Variants in NUDT9 observed in about 807,000 individuals in gnomAD.
The protein encoded by NUDT9 is nudix hydrolase 9, also known as ADP-ribose pyrophosphatase.
NUDT9 carries 31 observed loss-of-function variants against 41.0 expected under a neutral mutation model. The observed-to-expected ratio is 0.76, with a 90% CI of 0.57 to 1.02. NUDT9 has a LOEUF of 1.02. Among genes scored for constraint, NUDT9 ranks in the 50% least tolerant of loss-of-function variants. The pLI, the probability that NUDT9 is intolerant of heterozygous loss-of-function variation, is 0.00. For missense variants in NUDT9, 380 were observed against 431.4 expected (o/e 0.88, Z 1.06); for synonymous variants, 146 against 147.6 (o/e 0.99, Z 0.08).
chr4:87,454,019 A>G (rs1722877395), intron 6 of NUDT9, among the ~76,000 whole-genome samples: 1 of 151,460 alleles, frequency 6.6e-6, no homozygotes, highest in South Asian at 2.1e-4. Flanking sequence ...ACCACCATGC[A>G]TGGCTAATTT....
rs1722901391 is a variant in NUDT9 at position 87,454,460 on chromosome 4, CTTTATA to C, written c.874+11_874+16del. 6 of 1,573,720 alleles carry C rather than the reference CTTTATA, an allele frequency of 3.8e-6. No homozygotes were observed. The highest frequency in any genetic ancestry group is 1.1e-5 in the South Asian group (1 of 90,248). On this transcript the variant is annotated splice_donor_region_variant and intron_variant, in intron 7 of 7. Coordinates refer to ENST00000302174, the MANE Select transcript of NUDT9 (RefSeq NM_024047.5). ...TGAACTACCATGACGAAACAGGTAACTTTATATTTATTAAACTGGCTGGGATTAAAG... is the reference window on the plus strand; with the variant it reads ...TGAACTACCATGACGAAACAGGTAACTTTATTAAACTGGCTGGGATTAAAG...
chr4:87,426,510 A>G (rs1462364846), intron 1 of NUDT9, among the ~76,000 whole-genome samples: 2 of 151,856 alleles, frequency 1.3e-5, no homozygotes, highest in East Asian at 2.0e-4. Context: ...CCAGGGTTCA[A>G]GCGATTCTCC....
At chr4:87,428,247 C>T (rs1184137337) in intron 1 of NUDT9, among the ~76,000 whole-genome samples, 1 of 152,074 alleles carries the variant, frequency 6.6e-6, no homozygotes, top group African/African-American at 2.4e-5. Flanking sequence ...TGAAAGAGAA[C>T]AGCTTGAACA....
chr4:87,432,445 A>G (rs891332201), intron 1 of NUDT9, among the ~76,000 whole-genome samples: 4 of 152,016 alleles, frequency 2.6e-5, no homozygotes, highest in African/African-American at 9.7e-5. Context: ...AACCAGTTTT[A>G]CTTCTTCCTT....
intron 6 of NUDT9, among the ~76,000 whole-genome samples, chr4:87,452,594 G>A (rs1320314790): frequency 1.3e-5 from 2 of 151,598 alleles, no homozygotes; most frequent in Non-Finnish European, 1.5e-5. Context: ...GGGACCACAG[G>A]CAAACACCAC....
Position 87,442,265 on chromosome 4 carries a change from A to G in NUDT9, c.530+350A>G, listed in dbSNP as rs533162332. ...GTTACTGTACTGAATACTATAGGCA[A>G]CTGTAACACAATTGTAAGTGTATGT... is the stretch of plus-strand genomic sequence containing the variant. On this transcript the variant is annotated intron_variant, in intron 4 of 7. Coordinates refer to ENST00000302174, the MANE Select transcript of NUDT9 (RefSeq NM_024047.5). 2.0e-4 allele frequency among the ~76,000 whole-genome samples: 30 copies of G among 152,356 alleles called. 1 individual carries two copies. Among genetic ancestry groups the G allele is most frequent in the East Asian group, 1.9e-3 (10 of 5,186 alleles).
rs140961278 is a variant in NUDT9 at position 87,426,537 on chromosome 4, G to T, written c.107+3525G>T. Among the ~76,000 whole-genome samples the T allele has an allele frequency of 3.3e-5, 5 of 151,984 alleles. 1 individual carries two copies. In the East Asian group the frequency reaches 9.8e-4, roughly 30 times the overall value. Reference sequence around the variant, plus strand: ...CGATTCTCCTGCCTCAGCCTAGTGAGTAGCTAGGATTACAGGCGTCTGCCA... The same window carrying T: ...CGATTCTCCTGCCTCAGCCTAGTGATTAGCTAGGATTACAGGCGTCTGCCA... On this transcript the variant is annotated intron_variant, in intron 1 of 7. Transcript: ENST00000302174.
intron 1 of NUDT9, among the ~76,000 whole-genome samples, chr4:87,424,305 G>C (rs1011147457): frequency 6.9e-6 from 1 of 144,018 alleles, no homozygotes; most frequent in Non-Finnish European, 1.5e-5. Context: ...TGTCGCCCAG[G>C]CTGGAGCGCA....
At chr4:87,424,421 A>G (rs1004256810) in intron 1 of NUDT9, among the ~76,000 whole-genome samples, 13 of 151,854 alleles carry the variant, frequency 8.6e-5, no homozygotes, top group African/African-American at 1.2e-4. Flanking sequence ...ACGCCCGGCT[A>G]ATTTTTTTTG....
intron 2 of NUDT9, among the ~76,000 whole-genome samples, chr4:87,437,249 CAAAA>C (rs776722819): frequency 1.4e-4 from 8 of 55,616 alleles, no homozygotes; most frequent in Middle Eastern, 7.9e-3. Flanking sequence ...GACTCCATCT[CAAAA>C]AAAAAAAAAA....
intron 3 of NUDT9, among the ~76,000 whole-genome samples, chr4:87,438,885 G>C (rs1357141999): frequency 6.6e-6 from 1 of 152,166 alleles, no homozygotes. Flanking sequence ...AGACATACCT[G>C]GCCGGGCGCA....
At chr4:87,445,557 G>T (rs1012541177) in intron 4 of NUDT9, 7 of 152,104 alleles carry the variant, frequency 4.6e-5, no homozygotes, top group African/African-American at 1.7e-4. Flanking sequence ...AAATGAGTTG[G>T]GAAGTGTTAA....
intron 7 of NUDT9, among the ~76,000 whole-genome samples, chr4:87,455,836 A>AT (rs1237901373): frequency 6.6e-6 from 1 of 151,186 alleles, no homozygotes; most frequent in Non-Finnish European, 1.5e-5. Flanking sequence ...TAATTTTTGT[A>AT]TTTTTAGTAG....
chr4:87,433,637 A>T (rs1721781720), intron 1 of NUDT9, among the ~76,000 whole-genome samples: 1 of 152,226 alleles, frequency 6.6e-6, no homozygotes, highest in Admixed American at 6.5e-5. Flanking sequence ...CCATGTCCTC[A>T]GAATCTCCTT....
chr4:87,449,975 G>A (rs774768394), intron 5 of NUDT9, among the ~76,000 whole-genome samples: 12 of 151,960 alleles, frequency 7.9e-5, no homozygotes, highest in South Asian at 4.2e-4. Context: ...CAATTCTTGT[G>A]CCTCAGTCTC....
intron 4 of NUDT9, among the ~76,000 whole-genome samples, chr4:87,446,737 A>T (rs1208099670): frequency 6.6e-6 from 1 of 152,142 alleles, no homozygotes; most frequent in African/African-American, 2.4e-5. Flanking sequence ...TAATAAAACA[A>T]CTATGTTATA....
chr4:87,425,300 G>GA (rs1318200546), intron 1 of NUDT9, among the ~76,000 whole-genome samples: 1 of 152,012 alleles, frequency 6.6e-6, no homozygotes, highest in Non-Finnish European at 1.5e-5. Context: ...TTGAGCTCAG[G>GA]AGTTGAGTTT....
intron 5 of NUDT9, 148 bp from the exon 6 acceptor site, chr4:87,451,441 A>G (rs1722703497): frequency 1.8e-6 from 1 of 565,750 alleles, no homozygotes; most frequent in East Asian, 2.9e-5. Context: ...CTAGCAACAG[A>G]TGGTTTAGAG....
In NUDT9 at chr4:87,438,311, G is replaced by T. The variant is rs1722047083; in HGVS notation, c.382G>T (p.Asp128Tyr). The change falls in exon 3 of 8, where the codon GAT becomes TAT. Residue 128 changes from aspartate to tyrosine, a missense_variant. Coordinates refer to ENST00000302174, the MANE Select transcript of NUDT9 (RefSeq NM_024047.5). ...SNFSPKFNEK[D>Y]GHVERKSKNG... ...TTTTTCTCCCAAGTTTAACGAAAAG[G>T]ATGGGCATGTTGAGAGAAAGAGCAA... 6.2e-7 allele frequency: 1 copy of T among 1,610,974 alleles called. No individual in the cohort carries two copies. Among genetic ancestry groups the T allele is most frequent in the Admixed American group, 1.7e-5 (1 of 59,966 alleles).
Sources: gnomAD v4.1 joint callset for allele counts (sites outside exome capture counted in the v4.1 genomes callset) on GRCh38, gnomAD v4.1.1 for gene constraint, MANE v1.5 for transcripts, NCBI Gene and HGNC (gene_info 2026-07-23, HGNC 2026-07-21) for gene names.